PDGFC: variants seen among roughly 807,000 people sequenced by gnomAD.
PDGFC encodes platelet-derived growth factor C.
A neutral mutation model predicts 35.5 loss-of-function variants in PDGFC; 12 were observed. That is an observed-to-expected ratio of 0.34 (90% CI 0.22 to 0.55). The LOEUF (loss-of-function observed/expected upper bound fraction) is 0.55, where lower values mean the gene tolerates loss of function less well. PDGFC is among the 20% of genes least tolerant of loss of function. The pLI, the probability that PDGFC is intolerant of heterozygous loss-of-function variation, is 0.91. For missense variants in PDGFC, 322 were observed against 412.4 expected, an observed-to-expected ratio of 0.78 and a Z score of 1.90; for synonymous variants, 159 against 148.8, an observed-to-expected ratio of 1.07 and a Z score of -0.50.
intron 2 of PDGFC, among the ~76,000 whole-genome samples, chr4:156,812,042 G>T (rs1046513305): frequency 6.6e-6 from 1 of 151,726 alleles, no homozygotes; most frequent in African/African-American, 2.4e-5. Flanking sequence ...ATGTATAAAC[G>T]CATATATGTT....
chr4:156,763,223 G>T lies in PDGFC; in HGVS notation c.922-17C>A. Reference sequence around the variant, plus strand: ...CTGAAGGACCTGAAAGGGAATAAGAGTAAGCCACTTTTAAAAATCAACGAA... The same window carrying T: ...CTGAAGGACCTGAAAGGGAATAAGATTAAGCCACTTTTAAAAATCAACGAA... On this transcript the variant is annotated splice_polypyrimidine_tract_variant and intron_variant, in intron 5 of 5. Coordinates refer to ENST00000502773, the MANE Select transcript of PDGFC (RefSeq NM_016205.3). 7.8e-7 allele frequency: 1 copy of T among 1,281,248 alleles called. No homozygotes were observed. Among genetic ancestry groups the T allele is most frequent in the South Asian group, 1.2e-5 (1 of 84,512 alleles). The allele number at this position is 1,281,248 out of a possible 1,614,324, so 79.4% of individuals were successfully genotyped here.
rs1302102952 is a variant in PDGFC at position 156,971,137 on chromosome 4, C to CA, written c.-235dup. On this transcript the variant is annotated 5_prime_UTR_variant, in exon 1 of 6. Transcript: ENST00000502773. Reference sequence around the variant, plus strand: ...ATCAAAGCAAAACCTGGACCTGAACCAGTTTCCCAAGGTTTAAACAAATCC... The same window carrying CA: ...ATCAAAGCAAAACCTGGACCTGAACCAAGTTTCCCAAGGTTTAAACAAATCC... 16 of 476,998 alleles carry CA rather than the reference C, an allele frequency of 3.4e-5. No homozygotes were observed. Among genetic ancestry groups the CA allele is most frequent in the Non-Finnish European group, 6.0e-5 (16 of 268,206 alleles). 29.5% of individuals were successfully genotyped at this position (476,998 alleles called of 1,614,324 possible).
chr4:156,878,340 T>A (rs942311871), intron 1 of PDGFC, among the ~76,000 whole-genome samples: 4 of 152,144 alleles, frequency 2.6e-5, no homozygotes, highest in Admixed American at 1.3e-4. Context: ...AATAAGGAAA[T>A]GGTTTAGCAA....
chr4:156,940,907 T>C (rs902871675), intron 1 of PDGFC, among the ~76,000 whole-genome samples: 6 of 152,126 alleles, frequency 3.9e-5, no homozygotes, highest in African/African-American at 1.4e-4. Flanking sequence ...CTTTGGAAAA[T>C]ATTTTTTCAT....
intron 1 of PDGFC, among the ~76,000 whole-genome samples, chr4:156,908,032 C>T (rs77642646): frequency 0.012 from 1,839 of 152,006 alleles, 37 homozygotes; most frequent in African/African-American, 0.042. Context: ...CTGGGCATGG[C>T]GGCATGCACC....
chr4:156,893,542 G>A (rs1028426243), intron 1 of PDGFC, among the ~76,000 whole-genome samples: 1 of 151,360 alleles, frequency 6.6e-6, no homozygotes, highest in Non-Finnish European at 1.5e-5. Flanking sequence ...TTACTCTGTT[G>A]ACCAGGACGG....
intron 3 of PDGFC, among the ~76,000 whole-genome samples, chr4:156,783,748 G>A: frequency 6.6e-6 from 1 of 152,080 alleles, no homozygotes; most frequent in East Asian, 1.9e-4. Flanking sequence ...TGGATATTTT[G>A]ATCTCCAATA....
intron 1 of PDGFC, among the ~76,000 whole-genome samples, chr4:156,906,274 C>T (rs1292726995): frequency 6.6e-6 from 1 of 152,054 alleles, no homozygotes; most frequent in Non-Finnish European, 1.5e-5. Flanking sequence ...CAAATTTAAG[C>T]TTTCTCTGCC....
chr4:156,787,128 C>G (rs1731150021), intron 3 of PDGFC, among the ~76,000 whole-genome samples: 1 of 151,988 alleles, frequency 6.6e-6, no homozygotes, highest in African/African-American at 2.4e-5. Flanking sequence ...GGAAGAGGTG[C>G]CATGGTTATA....
intron 1 of PDGFC, among the ~76,000 whole-genome samples, chr4:156,941,901 G>A (rs1256426256): frequency 6.6e-6 from 1 of 151,868 alleles, no homozygotes; most frequent in African/African-American, 2.4e-5. Context: ...GAACAGAGGT[G>A]GCTTAGAAAA....
At chr4:156,896,380 G>A (rs1730633905) in intron 1 of PDGFC, among the ~76,000 whole-genome samples, 3 of 152,112 alleles carry the variant, frequency 2.0e-5, no homozygotes, top group Admixed American at 1.3e-4. Flanking sequence ...CCTGACAGGT[G>A]TGTGGTATCT....
rs78411632 is a variant in PDGFC, at chr4:156,816,656, C to A, written c.315-5639G>T. Among the ~76,000 whole-genome samples, 884 of 152,234 alleles carry A rather than the reference C, an allele frequency of 5.8e-3. 5 individuals are homozygous for A. Among genetic ancestry groups the A allele is most frequent in the Non-Finnish European group, 7.3e-3 (495 of 68,012 alleles). On this transcript the variant is annotated intron_variant, in intron 2 of 5. Coordinates refer to ENST00000502773, the MANE Select transcript of PDGFC (RefSeq NM_016205.3). ...AAGATAAGTAACTTGAACAAGGTCA[C>A]ACCAGCAACTAACTGCAAAGCGAAG...
intron 1 of PDGFC, among the ~76,000 whole-genome samples, chr4:156,916,465 C>A (rs1446296413): frequency 1.3e-5 from 2 of 152,164 alleles, no homozygotes; most frequent in Non-Finnish European, 2.9e-5. Context: ...TAAATCCAGA[C>A]CTTATGTCTT....
chr4:156,853,916 T>C (rs1387989497), intron 1 of PDGFC, among the ~76,000 whole-genome samples: 1 of 152,180 alleles, frequency 6.6e-6, no homozygotes, highest in Non-Finnish European at 1.5e-5. Context: ...TGAGCTGTGA[T>C]GGCACCACTG....
At chr4:156,836,325 AG>A (rs1343368470) in intron 2 of PDGFC, among the ~76,000 whole-genome samples, 1 of 152,234 alleles carries the variant, frequency 6.6e-6, no homozygotes, top group Non-Finnish European at 1.5e-5. Context: ...ATCCTGCTTT[AG>A]AGCATTGCAC....
intron 4 of PDGFC, among the ~76,000 whole-genome samples, chr4:156,769,143 T>A (rs186732217): frequency 6.6e-6 from 1 of 151,744 alleles, no homozygotes; most frequent in Non-Finnish European, 1.5e-5. Context: ...ATCTAAAATA[T>A]AATAAACCTA....
chr4:156,834,295 G>A (rs1729011886), intron 2 of PDGFC, among the ~76,000 whole-genome samples: 1 of 152,098 alleles, frequency 6.6e-6, no homozygotes. Context: ...TCTTAATCCA[G>A]ATAAACAGTA....
intron 3 of PDGFC, among the ~76,000 whole-genome samples, chr4:156,791,376 T>A (rs1731296387): frequency 6.6e-6 from 1 of 152,206 alleles, no homozygotes; most frequent in East Asian, 1.9e-4. Context: ...CGTGTATTTA[T>A]TACTAACGTG....
At chr4:156,952,543 G>A (rs1732109537) in intron 1 of PDGFC, among the ~76,000 whole-genome samples, 1 of 151,750 alleles carries the variant, frequency 6.6e-6, no homozygotes, top group Admixed American at 6.6e-5. Flanking sequence ...GCAGTACAAA[G>A]AGCTAAGTCA....
Sources: allele counts gnomAD v4.1 joint callset (sites outside exome capture counted in the v4.1 genomes callset), GRCh38; gene constraint gnomAD v4.1.1; transcripts MANE v1.5; gene names NCBI Gene and HGNC (gene_info 2026-07-23, HGNC 2026-07-21).